Variants in RBFOX1 observed in about 807,000 individuals in gnomAD.
RBFOX1 encodes RNA binding protein fox-1 homolog 1.
A neutral mutation model predicts 57.7 loss-of-function variants in RBFOX1; 8 were observed. The observed-to-expected ratio is 0.14, with a 90% CI of 0.08 to 0.25. RBFOX1 has a LOEUF of 0.25. Ranked by LOEUF, RBFOX1 falls within the 10% of genes least tolerant of loss-of-function variation. The pLI is 1.00. For missense variants in RBFOX1, 611 were observed against 548.5 expected, an observed-to-expected ratio of 1.11 and a Z score of -1.14; for synonymous variants, 326 against 222.4, an observed-to-expected ratio of 1.47 and a Z score of -4.15.
chr16:6,894,326 A>G (rs1373110902), intron 3 of RBFOX1, among the ~76,000 whole-genome samples: 1 of 152,154 alleles, frequency 6.6e-6, no homozygotes, highest in Non-Finnish European at 1.5e-5. Context: ...TCCCCCAGAT[A>G]GCTCTGTGTT....
chr16:7,009,330 A>G lies in RBFOX1; in HGVS notation c.-15-42727A>G, dbSNP rs77763342. On this transcript the variant is annotated intron_variant, in intron 3 of 15. Coordinates refer to ENST00000550418, the MANE Select transcript of RBFOX1 (RefSeq NM_018723.4). ...CTTCTTTCTCTTTCTTTGTACATGT[A>G]TAATTTGAAGACCCTGCGCCAAGCA... 7.0e-3 allele frequency among the ~76,000 whole-genome samples: 1,031 copies of G among 146,348 alleles called. 10 individuals carry two copies. The highest frequency in any genetic ancestry group is 0.021 in the African/African-American group (840 of 39,436).
intron 4 of RBFOX1, among the ~76,000 whole-genome samples, chr16:7,073,289 C>G (rs1351803812): frequency 6.6e-6 from 1 of 152,136 alleles, no homozygotes; most frequent in Non-Finnish European, 1.5e-5. Context: ...CTATTTGGCT[C>G]TTTTCAGAAA....
intron 3 of RBFOX1, among the ~76,000 whole-genome samples, chr16:5,810,208 G>C (rs1481082050): frequency 6.6e-6 from 1 of 151,656 alleles, no homozygotes; most frequent in Admixed American, 6.6e-5. Flanking sequence ...ATAGCTTTAG[G>C]AGATATACCT....
chr16:6,357,463 G>A (rs2087557707), intron 2 of RBFOX1, among the ~76,000 whole-genome samples: 1 of 152,034 alleles, frequency 6.6e-6, no homozygotes, highest in Admixed American at 6.6e-5. Context: ...GTTTTCCTGG[G>A]GGTTTCTGTT....
intron 4 of RBFOX1, among the ~76,000 whole-genome samples, chr16:7,430,756 G>A (rs1442992043): frequency 6.6e-6 from 1 of 152,088 alleles, no homozygotes; most frequent in Non-Finnish European, 1.5e-5. Flanking sequence ...CAGTGGCCAG[G>A]GTCCACACAG....
At chr16:7,553,332 A>G (rs1428901733) in intron 5 of RBFOX1, among the ~76,000 whole-genome samples, 5 of 151,994 alleles carry the variant, frequency 3.3e-5, no homozygotes, top group Non-Finnish European at 7.4e-5. Context: ...TTCTGTAGAG[A>G]TGGGATCTCC....
intron 5 of RBFOX1, among the ~76,000 whole-genome samples, chr16:7,531,101 T>A (rs937398623): frequency 6.6e-6 from 1 of 152,142 alleles, no homozygotes; most frequent in Admixed American, 6.5e-5. Context: ...ATGTTGCAGA[T>A]TTGTTTTGAA....
intron 3 of RBFOX1, among the ~76,000 whole-genome samples, chr16:6,811,392 T>A: frequency 6.6e-6 from 1 of 152,264 alleles, no homozygotes; most frequent in East Asian, 1.9e-4. Context: ...AGCTTTTAGC[T>A]AGATAACATT....
At chr16:5,414,157 G>A (rs2067097504) in intron 1 of RBFOX1, among the ~76,000 whole-genome samples, 1 of 152,168 alleles carries the variant, frequency 6.6e-6, no homozygotes, top group South Asian at 2.1e-4. Context: ...AACAATCATT[G>A]CGCCAAGGGA....
chr16:5,396,108 C>A lies in RBFOX1; in HGVS notation c.220-71108C>A, dbSNP rs538568354. On this transcript the variant is annotated intron_variant, in intron 1 of 2. Coordinates refer to the RBFOX1 transcript ENST00000585867. The stretch of plus-strand genomic sequence containing the variant: ...AACAAATGTGTGTTGTTTTAAGCCC[C>A]CAGGGTTATGATAATCTGTTATGTA... 3.7e-4 allele frequency among the ~76,000 whole-genome samples: 56 copies of A among 152,246 alleles called. 1 individual carries two copies. The South Asian group carries it at 0.011, about 31-fold the overall frequency.
chr16:7,038,757 G>A (rs983414122), intron 3 of RBFOX1, among the ~76,000 whole-genome samples: 7 of 152,278 alleles, frequency 4.6e-5, no homozygotes, highest in African/African-American at 1.7e-4. Context: ...CTTGCTCAAT[G>A]TTTGTCTGTC....
intron 2 of RBFOX1, among the ~76,000 whole-genome samples, chr16:6,652,881 C>G (rs1158540011): frequency 6.6e-6 from 1 of 152,146 alleles, no homozygotes; most frequent in African/African-American, 2.4e-5. Context: ...AACTGTGCAC[C>G]TACCATGGTA....
At chr16:5,766,075 T>C (rs1473477665) in intron 3 of RBFOX1, among the ~76,000 whole-genome samples, 1 of 152,166 alleles carries the variant, frequency 6.6e-6, no homozygotes, top group Non-Finnish European at 1.5e-5. Flanking sequence ...AGCTCAGAGT[T>C]CTGTCCTCCC....
chr16:5,988,922 G>A (rs1300857415), intron 4 of RBFOX1, among the ~76,000 whole-genome samples: 7 of 152,104 alleles, frequency 4.6e-5, no homozygotes, highest in Non-Finnish European at 8.8e-5. Flanking sequence ...CTTTAGATGG[G>A]CATGCTCCAA....
intron 1 of RBFOX1, among the ~76,000 whole-genome samples, chr16:5,330,552 G>T (rs920938529): frequency 3.9e-5 from 6 of 151,910 alleles, no homozygotes; most frequent in Non-Finnish European, 8.8e-5. Context: ...ACAGGTGTGC[G>T]TGCTACCATG....
At chr16:7,571,769 G>T (rs180704781) in intron 5 of RBFOX1, among the ~76,000 whole-genome samples, 63 of 152,196 alleles carry the variant, frequency 4.1e-4, no homozygotes, top group Non-Finnish European at 7.9e-4. Context: ...ATCTGTGTAG[G>T]GTCCTGCAGC....
At chr16:6,864,756 T>G (rs1186017048) in intron 3 of RBFOX1, among the ~76,000 whole-genome samples, 1 of 152,026 alleles carries the variant, frequency 6.6e-6, no homozygotes, top group Non-Finnish European at 1.5e-5. Context: ...CAACCTGTAT[T>G]TTTAAGTGTC....
At chr16:6,881,200 C>A (rs1230252256) in intron 3 of RBFOX1, among the ~76,000 whole-genome samples, 1 of 152,146 alleles carries the variant, frequency 6.6e-6, no homozygotes, top group Non-Finnish European at 1.5e-5. Context: ...AGCTCACAGG[C>A]AAGGAGAATA....
intron 4 of RBFOX1, among the ~76,000 whole-genome samples, chr16:7,207,249 T>C (rs1002913825): frequency 9.2e-5 from 14 of 152,176 alleles, no homozygotes; most frequent in African/African-American, 2.7e-4. Flanking sequence ...CCGGGCGTTA[T>C]GGGGGTTCCT....
Sources: gnomAD v4.1 joint callset for allele counts (sites outside exome capture counted in the v4.1 genomes callset) on GRCh38, gnomAD v4.1.1 for gene constraint, MANE v1.5 for transcripts, NCBI Gene and HGNC (gene_info 2026-07-23, HGNC 2026-07-21) for gene names.